Variants in FCRL4 observed in about 807,000 individuals in gnomAD.
FCRL4 encodes Fc receptor-like protein 4.
A neutral mutation model predicts 64.1 loss-of-function variants in FCRL4; 43 were observed. The ratio of observed to expected loss-of-function variants is 0.67; its 90% CI spans 0.53 to 0.87. The LOEUF is 0.87. Among genes scored for constraint, FCRL4 ranks in the 40% least tolerant of loss-of-function variants. The probability of loss-of-function intolerance (pLI) is 0.00; values close to 1 mark genes in which losing one functional copy is unlikely to be tolerated. For missense variants in FCRL4, 656 were observed against 613.5 expected (o/e 1.07, Z -0.73); for synonymous variants, 253 against 239.8 (o/e 1.05, Z -0.51).
At chr1:157,591,602 A>G (rs1231972556) in intron 2 of FCRL4, among the ~76,000 whole-genome samples, 1 of 152,326 alleles carries the variant, frequency 6.6e-6, no homozygotes, top group African/African-American at 2.4e-5. Flanking sequence ...GCAGACAATA[A>G]GAGTGTGGGG....
At chr1:157,597,735 G>C (rs895177882) in intron 1 of FCRL4, among the ~76,000 whole-genome samples, 179 bp downstream of exon 1, 2 of 152,182 alleles carry the variant, frequency 1.3e-5, no homozygotes, top group Admixed American at 6.5e-5. Flanking sequence ...TACATCTTTG[G>C]AAATCAATTA....
chr1:157,575,787 G>C (rs1170394531), intron 10 of FCRL4, 57 bp from the exon 11 acceptor site: 37 of 1,558,690 alleles, frequency 2.4e-5, no homozygotes, highest in Non-Finnish European at 3.2e-5. Flanking sequence ...TTAGAACTCA[G>C]TCTGTTAGCT....
chr1:157,585,344 C>CTCTTTCTTTCTTTCTTTCTTTCTT (rs764765610), intron 6 of FCRL4, among the ~76,000 whole-genome samples: 3 of 81,274 alleles, frequency 3.7e-5, no homozygotes, highest in Admixed American at 1.3e-4. Flanking sequence ...CTTTCTCTCT[C>CTCTTTCTTTCTTTCTTTCTTTCTT]TCTTTCTTTC....
chr1:157,579,911 C>T (rs1434521864), intron 8 of FCRL4, among the ~76,000 whole-genome samples: 4 of 151,864 alleles, frequency 2.6e-5, no homozygotes, highest in East Asian at 1.9e-4. Context: ...AGTATATATG[C>T]GTGTATGGTG....
intron 2 of FCRL4, among the ~76,000 whole-genome samples, chr1:157,595,727 AG>A (rs1176327046): frequency 6.6e-6 from 1 of 152,240 alleles, no homozygotes; most frequent in Non-Finnish European, 1.5e-5. Flanking sequence ...GTGCACCTCA[AG>A]GGGGCCAAGG....
chr1:157,582,250 G>A lies in FCRL4; in HGVS notation c.1136-606C>T, dbSNP rs72996919. ...TCCGTTCTCCTATCCTTTCATCCAC[G>A]GAAAAGGAGGTTTCATTCAATTTAC... is the stretch of plus-strand genomic sequence containing the variant. On this transcript the variant is annotated intron_variant, in intron 6 of 11. Coordinates refer to ENST00000271532, the MANE Select transcript of FCRL4 (RefSeq NM_031282.3). 1.8e-3 allele frequency among the ~76,000 whole-genome samples: 279 copies of A among 152,218 alleles called. 1 individual carries two copies. The highest frequency in any genetic ancestry group is 6.6e-3 in the African/African-American group (273 of 41,530).
chr1:157,584,760 C>T (rs1652636179), intron 6 of FCRL4, among the ~76,000 whole-genome samples: 1 of 152,094 alleles, frequency 6.6e-6, no homozygotes, highest in African/African-American at 2.4e-5. Flanking sequence ...CGCATAGCAA[C>T]CCCTTGCTGG....
intron 5 of FCRL4, 149 bp from the exon 6 acceptor site, chr1:157,586,604 A>G: frequency 1.5e-6 from 1 of 666,494 alleles, no homozygotes; most frequent in Non-Finnish European, 2.5e-6. Context: ...CCACAGATTT[A>G]GCGCTGAGAA....
chr1:157,591,612 G>T (rs1249717588), intron 2 of FCRL4, among the ~76,000 whole-genome samples: 1 of 152,110 alleles, frequency 6.6e-6, no homozygotes, highest in Admixed American at 6.5e-5. Flanking sequence ...AGAGTGTGGG[G>T]AGGTAGGTGC....
At chr1:157,578,666 G>C in intron 9 of FCRL4, 104 bp downstream of exon 9, 1 of 1,411,076 alleles carries the variant, frequency 7.1e-7, no homozygotes, top group African/African-American at 1.4e-5. Flanking sequence ...GGAATATCTG[G>C]ATTTGGGACA....
In FCRL4 at chr1:157,596,322, A is replaced by G. The variant is rs1281688657; in HGVS notation, c.52+6T>C. The G allele has an allele frequency of 1.2e-6, 2 of 1,613,878 alleles. No homozygotes were observed. The highest frequency in any genetic ancestry group is 3.3e-5 in the Admixed American group (2 of 60,006). ...ACATAAAGGAGCAAAGAAAATAAGG[A>G]CTTACCAGATTGTCCACAGACTGGA... On this transcript the variant is annotated splice_donor_region_variant and intron_variant, in intron 2 of 11. Coordinates refer to ENST00000271532, the MANE Select transcript of FCRL4 (RefSeq NM_031282.3).
chr1:157,582,725 C>A (rs773576187), intron 6 of FCRL4, among the ~76,000 whole-genome samples: 1 of 152,204 alleles, frequency 6.6e-6, no homozygotes, highest in Non-Finnish European at 1.5e-5. Flanking sequence ...TATCAACAAA[C>A]CTGCCCTTTG....
intron 2 of FCRL4, among the ~76,000 whole-genome samples, chr1:157,594,870 A>G (rs1258710734): frequency 6.6e-6 from 1 of 152,170 alleles, no homozygotes; most frequent in African/African-American, 2.4e-5. Flanking sequence ...TCTGTTTGGT[A>G]AGGTGAAACA....
In FCRL4 at chr1:157,587,908, C is replaced by G; in HGVS notation, c.519G>C (p.Glu173Asp). 1.2e-6 allele frequency: 2 copies of G among 1,610,426 alleles called. No homozygotes were observed. The highest frequency in any genetic ancestry group is 1.1e-5 in the South Asian group (1 of 90,724). The change falls in exon 4 of 12, where the codon GAG (glutamate) becomes GAC (aspartate). Residue 173 changes from glutamate to aspartate, a missense_variant. Physicochemically the swap from Glu to Asp is conservative, Grantham distance 45. Coordinates refer to ENST00000271532, the MANE Select transcript of FCRL4 (RefSeq NM_031282.3). ...GNYRCIGYGD[E>D]NDVFRSNFKI... ...TGAAATTTGATCTAAATACATCATT[C>G]TCGTCTCCATATCCAATGCATCGAT...
At chr1:157,590,845 G>A (rs1652823159) in intron 2 of FCRL4, among the ~76,000 whole-genome samples, 1 of 152,078 alleles carries the variant, frequency 6.6e-6, no homozygotes, top group South Asian at 2.1e-4. Context: ...GTTAATTTAT[G>A]GGCCCCAGAA....
rs138667797 is a variant in FCRL4 at position 157,589,236 on chromosome 1, C to T, written c.275G>A (p.Arg92Gln). ...AAAGAGCAAGCGCACAGGGTTACTT[C>T]GTGGGGAGCCCCGGGCCTGGCATCT... is the stretch of plus-strand genomic sequence containing the variant. ...LYRCQARGSPRSNPVRLLFSS... is the reference protein window; with the variant it reads ...LYRCQARGSPQSNPVRLLFSS... The change falls in exon 3 of 12, where the codon CGA becomes CAA. Residue 92 changes from arginine (R) to glutamine (Q), a missense_variant. Transcript: ENST00000271532. 6 of 1,614,166 alleles carry T rather than the reference C, an allele frequency of 3.7e-6. No homozygotes were observed. The highest frequency in any genetic ancestry group is 1.6e-4 in the Middle Eastern group (1 of 6,062).
intron 2 of FCRL4, among the ~76,000 whole-genome samples, chr1:157,590,234 A>G (rs7511667): frequency 0.042 from 6,417 of 152,232 alleles, 343 homozygotes; most frequent in African/African-American, 0.12. Context: ...CTTTATTCAA[A>G]ACACTTTGGA....
At position 157,587,300 on chromosome 1, in the gene FCRL4, G is replaced by C. The variant is rs763126889; in HGVS notation, c.823C>G (p.Pro275Ala). 2 of 1,614,194 alleles carry C rather than the reference G, an allele frequency of 1.2e-6. No homozygotes were observed. Among genetic ancestry groups the C allele is most frequent in the South Asian group, 1.1e-5 (1 of 91,078 alleles). The change falls in exon 5 of 12, where the codon CCC (proline) becomes GCC (alanine). Residue 275 changes from proline (P) to alanine (A), a missense_variant. Pro to Ala is a conservative substitution (Grantham distance 27, BLOSUM62 -1). Transcript: ENST00000271532. ...TVRGNIHKHS[P>A]SLQIHVQRIP... ...CGCTGCACATGGATCTGTAGCGAGGGACTGTGCTTGTGGATGTTACCCCTC... is the reference window on the plus strand; with the variant it reads ...CGCTGCACATGGATCTGTAGCGAGGCACTGTGCTTGTGGATGTTACCCCTC...
At position 157,575,429 on chromosome 1, in the gene FCRL4, G is replaced by C; in HGVS notation, c.*95C>G. 1 of 844,288 alleles carries C rather than the reference G, an allele frequency of 1.2e-6. No individual in the cohort carries two copies. The highest frequency in any genetic ancestry group is 2.0e-6 in the Non-Finnish European group (1 of 504,874). 52.3% of individuals were successfully genotyped at this position (844,288 alleles called of 1,614,324 possible). A position where few individuals can be genotyped will look rare whatever the true frequency, so the allele number is the denominator to read the frequency against. ...AAGAATTAGAAAGCTGGAATGAGTT[G>C]ATCATTCCAGGGGCCGCAAGGACTG... On this transcript the variant is annotated 3_prime_UTR_variant, in exon 12 of 12. Transcript: ENST00000271532.
Sources: allele counts gnomAD v4.1 joint callset (sites outside exome capture counted in the v4.1 genomes callset), GRCh38; gene constraint gnomAD v4.1.1; transcripts MANE v1.5; gene names NCBI Gene and HGNC (gene_info 2026-07-23, HGNC 2026-07-21).